ATRNL1: variants seen among roughly 807,000 people sequenced by gnomAD.
ATRNL1 encodes attractin-like protein 1.
ATRNL1 carries 95 observed loss-of-function variants against 182.7 expected under a neutral mutation model. The ratio of observed to expected loss-of-function variants is 0.52; its 90% confidence interval spans 0.44 to 0.62. The LOEUF (loss-of-function observed/expected upper bound fraction) is 0.62, where lower values mean the gene tolerates loss of function less well. Among genes scored for constraint, ATRNL1 ranks in the 20% least tolerant of loss-of-function variants. ATRNL1 has a pLI of 0.00. For missense variants in ATRNL1, 1,471 were observed against 1,679.5 expected, an observed-to-expected ratio of 0.88 and a Z score of 2.17; for synonymous variants, 576 against 568.3, an observed-to-expected ratio of 1.01 and a Z score of -0.19.
intron 26 of ATRNL1, among the ~76,000 whole-genome samples, chr10:115,671,091 G>A (rs1412365525): frequency 6.6e-6 from 1 of 152,072 alleles, no homozygotes. Flanking sequence ...ATGATTTCTA[G>A]CCAAGTGTCA....
At chr10:115,094,299 G>A (rs185132102) in intron 1 of ATRNL1, among the ~76,000 whole-genome samples, 101 of 152,298 alleles carry the variant, frequency 6.6e-4, no homozygotes, top group African/African-American at 2.1e-3. Context: ...GAGCGTTCCA[G>A]ATGTCCGCAG....
rs970638521 is a variant in ATRNL1 at position 115,692,920 on chromosome 10, A to G, written c.3796-34328A>G. Among the ~76,000 whole-genome samples the G allele has an allele frequency of 8.5e-5, 13 of 152,178 alleles. No homozygotes were observed. In the East Asian group the frequency reaches 2.1e-3, roughly 25 times the overall value. On this transcript the variant is annotated intron_variant, in intron 26 of 28. Transcript: ENST00000355044. ...AGTAAAGGAGAGTCCTTGTTTTTTC[A>G]TAACCTCTTCTGAATGCAACATCCC... is the stretch of plus-strand genomic sequence containing the variant.
At chr10:115,131,254 A>G (rs1392618616) in intron 5 of ATRNL1, among the ~76,000 whole-genome samples, 3 of 152,096 alleles carry the variant, frequency 2.0e-5, no homozygotes, top group Non-Finnish European at 4.4e-5. Flanking sequence ...ATATATACAC[A>G]TATATTTATA....
At chr10:115,737,726 T>C (rs7080508) in intron 27 of ATRNL1, among the ~76,000 whole-genome samples, 3,564 of 152,262 alleles carry the variant, frequency 0.023, 125 homozygotes, top group African/African-American at 0.081. Context: ...GACCTTTTGG[T>C]ACTCCCCCAG....
In ATRNL1 at chr10:115,848,137, T is replaced by C. The variant is rs369498929; in HGVS notation, c.4018+146T>C. 1.1e-4 allele frequency: 68 copies of C among 603,656 alleles called. No homozygotes were observed. The African/African-American group carries it at 1.1e-3, about 10-fold the overall frequency. 37.4% of individuals were successfully genotyped at this position (603,656 alleles called of 1,614,324 possible). On this transcript the variant is annotated intron_variant, in intron 28 of 28. Coordinates refer to ENST00000355044, the MANE Select transcript of ATRNL1 (RefSeq NM_207303.4). ...AAAATTTTATGAGAATACAAACTTT[T>C]ACCCAACTATCTAGATACCTGCATT... is the stretch of plus-strand genomic sequence containing the variant.
intron 13 of ATRNL1, among the ~76,000 whole-genome samples, chr10:115,270,427 T>A (rs1002148768): frequency 2.7e-4 from 39 of 142,896 alleles, no homozygotes; most frequent in Admixed American, 3.5e-4. Flanking sequence ...ATATATTTGT[T>A]TATATATAAT....
At chr10:115,837,238 T>C (rs1259413565) in intron 27 of ATRNL1, among the ~76,000 whole-genome samples, 1 of 152,078 alleles carries the variant, frequency 6.6e-6, no homozygotes, top group Non-Finnish European at 1.5e-5. Context: ...TTTGGCCACA[T>C]AAGGACTCCA....
At chr10:115,342,978 G>A (rs1554938821) in intron 19 of ATRNL1, among the ~76,000 whole-genome samples, 1 of 152,056 alleles carries the variant, frequency 6.6e-6, no homozygotes, top group Non-Finnish European at 1.5e-5. Context: ...TGAACAGTCT[G>A]CCGCCAGATG....
intron 26 of ATRNL1, among the ~76,000 whole-genome samples, chr10:115,698,640 T>C (rs1946636660): frequency 6.6e-6 from 1 of 152,044 alleles, no homozygotes; most frequent in South Asian, 2.1e-4. Flanking sequence ...TATCTGGGCA[T>C]GATGTCGTGG....
chr10:115,142,969 G>A (rs922492636), intron 5 of ATRNL1, among the ~76,000 whole-genome samples: 8 of 152,204 alleles, frequency 5.3e-5, no homozygotes, highest in Non-Finnish European at 1.0e-4. Context: ...TGCCAAGTTA[G>A]AGATATCTTT....
At chr10:115,856,641 A>G (rs1565440073) in intron 28 of ATRNL1, among the ~76,000 whole-genome samples, 1 of 151,956 alleles carries the variant, frequency 6.6e-6, no homozygotes, top group Non-Finnish European at 1.5e-5. Context: ...ACTACAGGTC[A>G]TCAGGCATTA....
At chr10:115,901,101 C>T (rs1952338336) in intron 28 of ATRNL1, among the ~76,000 whole-genome samples, 1 of 152,084 alleles carries the variant, frequency 6.6e-6, no homozygotes, top group South Asian at 2.1e-4. Flanking sequence ...CTGGAGGGAG[C>T]ATAGATTGAC....
At chr10:115,476,266 T>A (rs1554973090) in intron 24 of ATRNL1, among the ~76,000 whole-genome samples, 1 of 151,410 alleles carries the variant, frequency 6.6e-6, no homozygotes, top group Non-Finnish European at 1.5e-5. Context: ...TTCGCTATGG[T>A]CAGAGAAAAA....
chr10:115,520,298 T>G (rs7086126), intron 25 of ATRNL1, among the ~76,000 whole-genome samples: 4,219 of 152,306 alleles, frequency 0.028, 227 homozygotes, highest in African/African-American at 0.097. Context: ...TTTTTGATTG[T>G]CTTGTCCAGA....
chr10:115,735,764 C>T (rs1322682139), intron 27 of ATRNL1, among the ~76,000 whole-genome samples: 3 of 152,174 alleles, frequency 2.0e-5, no homozygotes, highest in East Asian at 1.9e-4. Context: ...AGAGATAATT[C>T]GCATCTTGTT....
At chr10:115,143,958 A>G (rs1845858346) in intron 5 of ATRNL1, among the ~76,000 whole-genome samples, 1 of 151,844 alleles carries the variant, frequency 6.6e-6, no homozygotes, top group African/African-American at 2.4e-5. Context: ...GCATTCAGTC[A>G]ATAATATGAG....
Position 115,215,737 on chromosome 10 carries a change from TG to T in ATRNL1, c.1390del (p.Val464TyrfsTer14). Reference protein sequence around the residue: ...WLVPETKGAIVQGGYGHTSVY... With the variant: ...WLVPETKGAIXQGGYGHTSVY... ...TTGTTCCAGAAACTAAAGGAGCTAT[TG>T]TACAAGGTGGATATGGCCATACTAG... is the stretch of plus-strand genomic sequence containing the variant. On this transcript the variant is annotated frameshift_variant, in exon 9 of 29. Coordinates refer to ENST00000355044, the MANE Select transcript of ATRNL1 (RefSeq NM_207303.4). LOFTEE classifies it high-confidence loss of function. 1 of 1,603,222 alleles carries T rather than the reference TG, an allele frequency of 6.2e-7. No homozygotes were observed. Among genetic ancestry groups the T allele is most frequent in the Non-Finnish European group, 8.5e-7 (1 of 1,176,492 alleles).
At chr10:115,542,122 T>G (rs1169955156) in intron 25 of ATRNL1, among the ~76,000 whole-genome samples, 1 of 152,120 alleles carries the variant, frequency 6.6e-6, no homozygotes, top group African/African-American at 2.4e-5. Flanking sequence ...TAATAGGACT[T>G]ACCCAGGAAG....
intron 19 of ATRNL1, among the ~76,000 whole-genome samples, chr10:115,342,983 C>A (rs1855819372): frequency 6.6e-6 from 1 of 152,100 alleles, no homozygotes; most frequent in Non-Finnish European, 1.5e-5. Context: ...AGTCTGCCGC[C>A]AGATGTATTG....
Sources: gnomAD v4.1 joint callset for allele counts (sites outside exome capture counted in the v4.1 genomes callset) on GRCh38, gnomAD v4.1.1 for gene constraint, MANE v1.5 for transcripts, NCBI Gene and HGNC (gene_info 2026-07-23, HGNC 2026-07-21) for gene names.